HTRA3: variants seen among roughly 807,000 people sequenced by gnomAD.
HTRA3 encodes HtrA serine peptidase 3.
A neutral mutation model predicts 43.2 loss-of-function variants in HTRA3; 41 were observed. The observed-to-expected ratio is 0.95, with a 90% confidence interval of 0.74 to 1.23. The LOEUF is 1.23. HTRA3 is among the 50% of genes most tolerant of loss of function. The pLI is 0.00. For missense variants in HTRA3, 628 were observed against 647.1 expected, an observed-to-expected ratio of 0.97 and a Z score of 0.32; for synonymous variants, 295 against 287.9, an observed-to-expected ratio of 1.02 and a Z score of -0.25.
intron 1 of HTRA3, among the ~76,000 whole-genome samples, chr4:8,271,940 G>C (rs1416969986): frequency 6.6e-6 from 1 of 152,202 alleles, no homozygotes; most frequent in African/African-American, 2.4e-5. Context: ...AGGAGGCTGA[G>C]GGGTGCGAGT....
intron 1 of HTRA3, among the ~76,000 whole-genome samples, chr4:8,272,175 C>T (rs1019339151): frequency 3.9e-5 from 6 of 152,192 alleles, no homozygotes; most frequent in Non-Finnish European, 8.8e-5. Context: ...TGGAGGCAGC[C>T]TGGGTGTTCT....
chr4:8,306,325 C>T lies in HTRA3; in HGVS notation c.*189C>T, dbSNP rs576676038. The T allele has an allele frequency of 2.1e-4, 120 of 575,470 alleles. No individual in the cohort carries two copies. The East Asian group carries it at 3.6e-3, about 17-fold the overall frequency. 35.6% of individuals were successfully genotyped at this position (575,470 alleles called of 1,614,324 possible). A position where few individuals can be genotyped will look rare whatever the true frequency, so the allele number is the denominator to read the frequency against. On this transcript the variant is annotated 3_prime_UTR_variant, in exon 9 of 9. Coordinates refer to ENST00000307358, the MANE Select transcript of HTRA3 (RefSeq NM_053044.5). This position sits in a 1 kb window ranked among gnomAD's most constrained non-coding sequence, Gnocchi z 8.9. ...TTCCGCCTGGGGAGTGTTGGATCCA[C>T]ATCCCGGTGCCGGGGAGGGAAGCCC...
In HTRA3 at chr4:8,279,435, T is replaced by G. The variant is rs1217607705; in HGVS notation, c.386-3002T>G. 6.6e-6 allele frequency among the ~76,000 whole-genome samples: 1 copy of G among 152,122 alleles called. No individual in the cohort carries two copies. Among genetic ancestry groups the G allele is most frequent in the African/African-American group, 2.4e-5 (1 of 41,440 alleles). ...GAGACCACACTGGGGAGAAAGTCCT[T>G]CCGGTGGAGGCCGCAGTGCTGTGCA... On this transcript the variant is annotated intron_variant, in intron 1 of 8. Coordinates refer to ENST00000307358, the MANE Select transcript of HTRA3 (RefSeq NM_053044.5). The surrounding 1 kb of genome is among the most constrained non-coding windows in gnomAD (Gnocchi z 7.4).
At chr4:8,281,224 C>A (rs766321827) in intron 1 of HTRA3, among the ~76,000 whole-genome samples, 3 of 152,214 alleles carry the variant, frequency 2.0e-5, no homozygotes, top group Admixed American at 6.5e-5. Flanking sequence ...CACCATGGTA[C>A]CTTCGTGCCT....
chr4:8,292,998 C>A (rs372958842), intron 5 of HTRA3, among the ~76,000 whole-genome samples: 1 of 152,036 alleles, frequency 6.6e-6, no homozygotes. Flanking sequence ...CAACAGCCAT[C>A]GAGATTGAGG....
At chr4:8,280,830 C>T (rs771430834) in intron 1 of HTRA3, among the ~76,000 whole-genome samples, 4 of 152,182 alleles carry the variant, frequency 2.6e-5, no homozygotes, top group East Asian at 1.9e-4. Context: ...TTGGTGCCTG[C>T]GGGCCGGTTG....
intron 1 of HTRA3, among the ~76,000 whole-genome samples, chr4:8,278,024 G>C (rs1712597404): frequency 6.6e-6 from 1 of 152,206 alleles, no homozygotes; most frequent in Non-Finnish European, 1.5e-5. Flanking sequence ...CAACTGCAGG[G>C]AAGCTGGCCA....
At chr4:8,287,989 G>A (rs143207339) in intron 3 of HTRA3, among the ~76,000 whole-genome samples, 19 of 152,304 alleles carry the variant, frequency 1.2e-4, no homozygotes, top group African/African-American at 3.9e-4. Context: ...CGTTGGACCC[G>A]GAGCTTCCCT....
At chr4:8,278,290 A>G (rs1368234968) in intron 1 of HTRA3, among the ~76,000 whole-genome samples, 5 of 150,654 alleles carry the variant, frequency 3.3e-5, no homozygotes, top group African/African-American at 1.2e-4. Context: ...CTCTCCTGGG[A>G]TGTGACACCG....
chr4:8,302,446 C>T lies in HTRA3; in HGVS notation c.1052-17C>T. The T allele has an allele frequency of 6.2e-7, 1 of 1,613,796 alleles. No homozygotes were observed. The highest frequency in any genetic ancestry group is 8.5e-7 in the Non-Finnish European group (1 of 1,179,730). On this transcript the variant is annotated splice_polypyrimidine_tract_variant and intron_variant, in intron 6 of 8. Transcript: ENST00000307358. ...TCACAGCAGCCCTAACGGAGTCTCG[C>T]CGTGTTTCATTTCCAGACTGGAAGA... is the stretch of plus-strand genomic sequence containing the variant.
At chr4:8,305,603 G>C (rs573625858) in intron 8 of HTRA3, among the ~76,000 whole-genome samples, 3 of 152,322 alleles carry the variant, frequency 2.0e-5, no homozygotes, top group Admixed American at 2.0e-4. Context: ...CTTCGTAACT[G>C]CAGTAACAGC....
rs1286546087 is a variant in HTRA3, at chr4:8,296,006, G to T, written c.1051+1805G>T. ...AGGAAGCTCAGAGCTAGATTCAGGG[G>T]TGCACCCAGACCTGTCCTAGCATGC... is the stretch of plus-strand genomic sequence containing the variant. On this transcript the variant is annotated intron_variant, in intron 6 of 8. Coordinates refer to ENST00000307358, the MANE Select transcript of HTRA3 (RefSeq NM_053044.5). The surrounding 1 kb of genome is among the most constrained non-coding windows in gnomAD (Gnocchi z 5.3). 5.1e-6 allele frequency: 6 copies of T among 1,182,946 alleles called. No individual in the cohort carries two copies. Among genetic ancestry groups the T allele is most frequent in the Non-Finnish European group, 6.3e-6 (6 of 956,820 alleles). The allele number at this position is 1,182,946 out of a possible 1,614,324, so 73.3% of individuals were successfully genotyped here.
rs928015478 is a variant in HTRA3 at position 8,286,271 on chromosome 4, G to A, written c.486-290G>A. On this transcript the variant is annotated intron_variant, in intron 2 of 8. Coordinates refer to ENST00000307358, the MANE Select transcript of HTRA3 (RefSeq NM_053044.5). The surrounding 1 kb of genome is among the most constrained non-coding windows in gnomAD (Gnocchi z 4.9). ...CTCCGTGCTCCGTAGTCAGGATGGC[G>A]AGTGCAAGCTGGGAGTCATCTGACA... Among the ~76,000 whole-genome samples the A allele has an allele frequency of 3.9e-5, 6 of 152,176 alleles. No individual in the cohort carries two copies. Among genetic ancestry groups the A allele is most frequent in the African/African-American group, 1.2e-4 (5 of 41,446 alleles).
chr4:8,298,166 C>G (rs1255502510), intron 6 of HTRA3, among the ~76,000 whole-genome samples: 2 of 152,236 alleles, frequency 1.3e-5, no homozygotes, highest in Non-Finnish European at 2.9e-5. Context: ...GCCAGAAAGG[C>G]CCTTTCAAAA....
At chr4:8,287,839 C>A (rs1308670628) in intron 3 of HTRA3, among the ~76,000 whole-genome samples, 1 of 152,178 alleles carries the variant, frequency 6.6e-6, no homozygotes, top group East Asian at 1.9e-4. Context: ...CAGGGCTGGC[C>A]CGCTCAGCTA....
intron 1 of HTRA3, among the ~76,000 whole-genome samples, chr4:8,282,088 C>T (rs1219994726): frequency 2.0e-5 from 3 of 152,216 alleles, no homozygotes; most frequent in South Asian, 2.1e-4. Context: ...GGGACTAACC[C>T]GAGATCCAGC....
intron 6 of HTRA3, among the ~76,000 whole-genome samples, chr4:8,298,613 A>G (rs778180571): frequency 6.6e-6 from 1 of 152,072 alleles, no homozygotes; most frequent in Non-Finnish European, 1.5e-5. Flanking sequence ...AATTTCTTCT[A>G]GAAGTTTTAC....
intron 1 of HTRA3, among the ~76,000 whole-genome samples, chr4:8,273,278 A>C (rs1021769503): frequency 6.6e-6 from 1 of 152,164 alleles, no homozygotes; most frequent in African/African-American, 2.4e-5. Flanking sequence ...GCCTCCATGG[A>C]GTATTCCAGC....
At chr4:8,292,059 G>A (rs960917074) in intron 4 of HTRA3, among the ~76,000 whole-genome samples, 3 of 152,188 alleles carry the variant, frequency 2.0e-5, no homozygotes, top group South Asian at 2.1e-4. Flanking sequence ...TGCACCAGGC[G>A]GTGCTGCCTG....
Sources: allele counts gnomAD v4.1 joint callset (sites outside exome capture counted in the v4.1 genomes callset), GRCh38; gene constraint gnomAD v4.1.1; non-coding constraint Gnocchi (gnomAD v3.1); transcripts MANE v1.5; gene names NCBI Gene and HGNC (gene_info 2026-07-23, HGNC 2026-07-21).